ZFYVE16: variants seen among roughly 807,000 people sequenced by gnomAD.
ZFYVE16 encodes the protein zinc finger FYVE domain-containing protein 16.
ZFYVE16 carries 89 observed loss-of-function variants against 138.1 expected under a neutral mutation model. That is an observed-to-expected ratio of 0.64 (90% CI 0.54 to 0.77). ZFYVE16 has a LOEUF of 0.77. Ranked by LOEUF, ZFYVE16 falls within the 30% of genes least tolerant of loss-of-function variation. The pLI is 0.00. For synonymous variants in ZFYVE16, 596 were observed against 618.3 expected (o/e 0.96, Z 0.53); for missense variants, 1,793 against 1,786.7 (o/e 1.00, Z -0.06).
chr5:80,443,759 T>G (rs1349462762), intron 6 of ZFYVE16: 1 of 456,190 alleles, frequency 2.2e-6, no homozygotes, highest in Non-Finnish European at 4.4e-6. Flanking sequence ...AAAGAATTCC[T>G]TCTTATTTCT....
chr5:80,436,279 A>C (rs1330513940), intron 3 of ZFYVE16, among the ~76,000 whole-genome samples: 1 of 152,208 alleles, frequency 6.6e-6, no homozygotes, highest in African/African-American at 2.4e-5. Context: ...CAGGGGAGTG[A>C]GGGTAGGATC....
At chr5:80,471,723 G>GT (rs1313679503) in intron 15 of ZFYVE16, among the ~76,000 whole-genome samples, 1 of 152,214 alleles carries the variant, frequency 6.6e-6, no homozygotes, top group Non-Finnish European at 1.5e-5. Context: ...TCCCGCAATA[G>GT]TTATATGCTT....
intron 2 of ZFYVE16, among the ~76,000 whole-genome samples, chr5:80,430,789 C>T (rs1265902275): frequency 1.3e-5 from 2 of 152,272 alleles, no homozygotes; most frequent in African/African-American, 2.4e-5. Context: ...TACAAACTGC[C>T]ATCAGAGAAT....
rs184041363 is a variant in ZFYVE16 at position 80,481,246 on chromosome 5, G to C, written c.*3869G>C. ...ATTGCAGGGCAGAACACTGGCAATG[G>C]GGAGGCTAACGCCCTGACTTTCTAG... On this transcript the variant is annotated 3_prime_UTR_variant, in exon 19 of 19. Coordinates refer to ENST00000505560, the MANE Select transcript of ZFYVE16 (RefSeq NM_001284236.3). Among the ~76,000 whole-genome samples the C allele has an allele frequency of 7.2e-5, 11 of 152,256 alleles. No individual in the cohort carries two copies. The highest frequency in any genetic ancestry group is 2.4e-4 in the African/African-American group (10 of 41,542).
In ZFYVE16 at chr5:80,445,261, A is replaced by T; in HGVS notation, c.2582-2A>T. On this transcript the variant is annotated splice_acceptor_variant, in intron 6 of 18. Transcript: ENST00000505560. LOFTEE classifies it high-confidence loss of function. ...ATGTTTTACTTTTTCAATTGATTCT[A>T]GGACTATGTTCCAAAGAACAGAAGA... is the stretch of plus-strand genomic sequence containing the variant. 6.2e-7 allele frequency: 1 copy of T among 1,611,908 alleles called. No homozygotes were observed. Among genetic ancestry groups the T allele is most frequent in the Non-Finnish European group, 8.5e-7 (1 of 1,179,324 alleles).
rs977243544 is a variant in ZFYVE16, at chr5:80,448,610, C to T, written c.3103+206C>T. 1.3e-5 allele frequency among the ~76,000 whole-genome samples: 2 copies of T among 152,116 alleles called. 1 individual carries two copies. The highest frequency in any genetic ancestry group is 3.9e-4 in the East Asian group (2 of 5,174). ...TATGATCCATTTATCACATCTGGCC[C>T]ACTAATTTCGAATGATTAAGTCTAT... is the stretch of plus-strand genomic sequence containing the variant. On this transcript the variant is annotated intron_variant, in intron 8 of 18. Coordinates refer to ENST00000505560, the MANE Select transcript of ZFYVE16 (RefSeq NM_001284236.3).
intron 3 of ZFYVE16, 74 bp downstream of exon 3, chr5:80,434,291 T>A: frequency 6.9e-7 from 1 of 1,442,946 alleles, no homozygotes; most frequent in African/African-American, 1.4e-5. Context: ...AGGTATACAG[T>A]AATATTAGCA....
intron 2 of ZFYVE16, among the ~76,000 whole-genome samples, chr5:80,429,920 A>G (rs1748736134): frequency 6.6e-6 from 1 of 152,200 alleles, no homozygotes; most frequent in Admixed American, 6.5e-5. Context: ...CCAATACAGG[A>G]GCACCCAGGT....
At chr5:80,416,010 A>C (rs1468395891) in intron 1 of ZFYVE16, among the ~76,000 whole-genome samples, 2 of 152,114 alleles carry the variant, frequency 1.3e-5, no homozygotes, top group Non-Finnish European at 2.9e-5. Flanking sequence ...GACTTGAGGT[A>C]GTGTTTGTTA....
In ZFYVE16 at chr5:80,421,321, G is replaced by T. The variant is rs966686550; in HGVS notation, c.-93-6171G>T. On this transcript the variant is annotated intron_variant, in intron 1 of 18. Coordinates refer to ENST00000505560, the MANE Select transcript of ZFYVE16 (RefSeq NM_001284236.3). ...TTTAATTAGATCCCATTTGTCAACT[G>T]TGGCTTTTGTTGCCATTGCTTTGGT... 1.2e-3 allele frequency among the ~76,000 whole-genome samples: 186 copies of T among 152,266 alleles called. 2 individuals carry two copies. The highest frequency in any genetic ancestry group is 4.2e-3 in the African/African-American group (176 of 41,570).
At chr5:80,431,950 G>A (rs1486745227) in intron 2 of ZFYVE16, among the ~76,000 whole-genome samples, 3 of 152,158 alleles carry the variant, frequency 2.0e-5, no homozygotes, top group Non-Finnish European at 2.9e-5. Context: ...CAAACAAATG[G>A]AAGAACATTC....
intron 18 of ZFYVE16, among the ~76,000 whole-genome samples, chr5:80,475,874 T>C (rs1754857842): frequency 6.6e-6 from 1 of 152,198 alleles, no homozygotes; most frequent in Non-Finnish European, 1.5e-5. Context: ...GCAATAGATA[T>C]TACCATATTA....
chr5:80,467,972 G>A (rs1753909608), intron 15 of ZFYVE16, among the ~76,000 whole-genome samples: 1 of 152,052 alleles, frequency 6.6e-6, no homozygotes, highest in African/African-American at 2.4e-5. Context: ...ATAAATTCTG[G>A]AGTTCAAAAT....
At chr5:80,460,617 A>G (rs1212431419) in intron 15 of ZFYVE16, among the ~76,000 whole-genome samples, 2 of 152,116 alleles carry the variant, frequency 1.3e-5, no homozygotes, top group East Asian at 1.9e-4. Context: ...TTTTTTTGTC[A>G]TTTGAATAGG....
intron 1 of ZFYVE16, among the ~76,000 whole-genome samples, chr5:80,423,752 A>G (rs939764625): frequency 5.3e-5 from 8 of 151,048 alleles, no homozygotes; most frequent in African/African-American, 1.9e-4. Context: ...GTTAGCCAGA[A>G]TGGTGTCGAT....
Position 80,473,773 on chromosome 5 carries a change from G to A in ZFYVE16, c.4207G>A (p.Gly1403Arg). 1.9e-6 allele frequency: 3 copies of A among 1,611,266 alleles called. No individual in the cohort carries two copies. Among genetic ancestry groups the A allele is most frequent in the Non-Finnish European group, 2.5e-6 (3 of 1,178,182 alleles). Residue 1403 changes from glycine (G) to arginine (R), a missense_variant, in exon 17 of 19, where the codon GGA becomes AGA. Physicochemically the swap from Gly to Arg is moderately radical, Grantham distance 125. Coordinates refer to ENST00000505560, the MANE Select transcript of ZFYVE16 (RefSeq NM_001284236.3). ...TCATAGAGTTATCAGTTCAGTGGAT[G>A]GAATATCATTACAAGGATTTCCAAG... is the stretch of plus-strand genomic sequence containing the variant. ...GNKGVISSVD[G>R]ISLQGFPSEK...
chr5:80,455,875 T>C (rs1752476770), intron 12 of ZFYVE16, 101 bp downstream of exon 12: 1 of 1,023,072 alleles, frequency 9.8e-7, no homozygotes, highest in African/African-American at 1.7e-5. Context: ...TAATTTGCCA[T>C]ATTTGGTATA....
At chr5:80,429,732 G>C (rs1169694372) in intron 2 of ZFYVE16, among the ~76,000 whole-genome samples, 2 of 152,090 alleles carry the variant, frequency 1.3e-5, no homozygotes, top group Non-Finnish European at 2.9e-5. Flanking sequence ...ACACACATAG[G>C]CTCAAAATAA....
chr5:80,454,291 T>C (rs889574336), intron 11 of ZFYVE16: 13 of 152,212 alleles, frequency 8.5e-5, no homozygotes, highest in African/African-American at 3.1e-4. Flanking sequence ...AAGACCTAAC[T>C]TGAGAACTGA....
Sources: gnomAD v4.1 joint callset for allele counts (sites outside exome capture counted in the v4.1 genomes callset) on GRCh38, gnomAD v4.1.1 for gene constraint, MANE v1.5 for transcripts, NCBI Gene and HGNC (gene_info 2026-07-23, HGNC 2026-07-21) for gene names.